Variants in PAPSS1 observed in about 807,000 individuals in gnomAD.
PAPSS1 encodes the protein bifunctional 3'-phosphoadenosine 5'-phosphosulfate synthase 1.
Under a neutral mutation model 72.0 loss-of-function variants are expected in PAPSS1, and 50 were observed. That is an observed-to-expected ratio of 0.69 (90% CI 0.55 to 0.88). The LOEUF (loss-of-function observed/expected upper bound fraction) is 0.88. PAPSS1 is among the 40% of genes least tolerant of loss of function. PAPSS1 has a pLI of 0.00. For synonymous variants in PAPSS1, 261 were observed against 263.6 expected, an observed-to-expected ratio of 0.99 and a Z score of 0.09; for missense variants, 657 against 782.2, an observed-to-expected ratio of 0.84 and a Z score of 1.91.
rs1239473637 is a variant in PAPSS1 at position 107,701,256 on chromosome 4, G to GT, written c.89dup (p.Tyr30Ter). ...TGTTCCTGCTGACATGATGGGCTTG[G>GT]TAGGTGACATTGGTTGCTCTCTGCA... ...WGMQRATNVT[Y>*]QAHHVSRNKR... Residue 30 changes from tyrosine to a stop codon, truncating the protein, a stop_gained and frameshift_variant, in exon 2 of 12, where the codon TAC becomes TAAC. Transcript: ENST00000265174. LOFTEE classifies it high-confidence loss of function. 1.9e-5 allele frequency: 31 copies of GT among 1,613,308 alleles called. No individual in the cohort carries two copies. Among genetic ancestry groups the GT allele is most frequent in the Non-Finnish European group, 2.3e-5 (27 of 1,179,588 alleles).
At chr4:107,668,900 T>C (rs1027092647) in intron 5 of PAPSS1, among the ~76,000 whole-genome samples, 4 of 152,216 alleles carry the variant, frequency 2.6e-5, no homozygotes, top group Non-Finnish European at 5.9e-5. Flanking sequence ...CATTTATATA[T>C]TCTTTTACAT....
intron 11 of PAPSS1, among the ~76,000 whole-genome samples, chr4:107,624,663 C>T (rs1339114267): frequency 6.6e-6 from 1 of 151,980 alleles, no homozygotes; most frequent in Non-Finnish European, 1.5e-5. Flanking sequence ...CAAATGCATA[C>T]TAGAAGACAA....
At chr4:107,692,358 T>C (rs1465615476) in intron 3 of PAPSS1, among the ~76,000 whole-genome samples, 1 of 152,012 alleles carries the variant, frequency 6.6e-6, no homozygotes, top group Non-Finnish European at 1.5e-5. Flanking sequence ...TAAGAAGACA[T>C]ACATGCAGCC....
chr4:107,655,202 C>T (rs947896030), intron 7 of PAPSS1, among the ~76,000 whole-genome samples: 2 of 150,038 alleles, frequency 1.3e-5, no homozygotes, highest in African/African-American at 2.5e-5. Flanking sequence ...AACTGTTTAA[C>T]AAGAAAGAAT....
intron 11 of PAPSS1, among the ~76,000 whole-genome samples, chr4:107,628,556 A>G (rs1443423078): frequency 6.6e-6 from 1 of 152,236 alleles, no homozygotes; most frequent in Non-Finnish European, 1.5e-5. Context: ...ATTTCCAATT[A>G]GCACATGTCA....
At chr4:107,703,410 T>C (rs1006553687) in intron 1 of PAPSS1, among the ~76,000 whole-genome samples, 11 of 51,724 alleles carry the variant, frequency 2.1e-4, no homozygotes, top group African/African-American at 4.0e-4. Context: ...TTTGGAGTCA[T>C]ATCCAAAAAA....
In PAPSS1 at chr4:107,653,532, G is replaced by A; in HGVS notation, c.1196C>T (p.Thr399Ile). The change falls in exon 9 of 12, where the codon ACT becomes ATT. Residue 399 changes from threonine (T) to isoleucine (I), a missense_variant. By Grantham distance (89) the Thr-to-Ile change is moderately conservative (BLOSUM62 -1). Coordinates refer to ENST00000265174, the MANE Select transcript of PAPSS1 (RefSeq NM_005443.5). ...WNDGLDQYRL[T>I]PTELKQKFKD... Reference sequence around the variant, plus strand: ...AAATTTCTGCTTTAGCTCAGTAGGAGTAAGACGATACTGATCAAGACCATC... The same window carrying A: ...AAATTTCTGCTTTAGCTCAGTAGGAATAAGACGATACTGATCAAGACCATC... The A allele has an allele frequency of 6.2e-7, 1 of 1,612,084 alleles. No homozygotes were observed. The highest frequency in any genetic ancestry group is 8.5e-7 in the Non-Finnish European group (1 of 1,178,700).
intron 2 of PAPSS1, among the ~76,000 whole-genome samples, chr4:107,699,260 T>C (rs1236951446): frequency 6.7e-6 from 1 of 148,894 alleles, no homozygotes; most frequent in Non-Finnish European, 1.5e-5. Flanking sequence ...TAGACAACAC[T>C]AAGAGCCAAA....
chr4:107,719,809 G>C, intron 1 of PAPSS1: 10 of 1,235,144 alleles, frequency 8.1e-6, no homozygotes, highest in Non-Finnish European at 1.0e-5. Context: ...GCAAGCGCCA[G>C]TTCACGGGTG....
At chr4:107,711,410 T>C (rs1401014151) in intron 1 of PAPSS1, among the ~76,000 whole-genome samples, 2 of 152,236 alleles carry the variant, frequency 1.3e-5, no homozygotes, top group Admixed American at 6.5e-5. Context: ...TGTTATTTTA[T>C]CCACTTGCCT....
intron 3 of PAPSS1, among the ~76,000 whole-genome samples, chr4:107,690,875 C>T (rs1006750306): frequency 1.3e-5 from 2 of 152,124 alleles, no homozygotes; most frequent in African/African-American, 4.8e-5. Context: ...GATAGCTCTC[C>T]ATAACAGGTA....
At chr4:107,679,429 G>A (rs904932304) in intron 5 of PAPSS1, among the ~76,000 whole-genome samples, 4 of 152,108 alleles carry the variant, frequency 2.6e-5, no homozygotes, top group Admixed American at 2.6e-4. Flanking sequence ...TAAGGAATAA[G>A]GACAGCCAAA....
chr4:107,699,805 T>C (rs1255903588), intron 2 of PAPSS1, among the ~76,000 whole-genome samples: 1 of 152,134 alleles, frequency 6.6e-6, no homozygotes, highest in African/African-American at 2.4e-5. Flanking sequence ...GAACCAAATA[T>C]ATATTTTACC....
chr4:107,661,317 C>T (rs1433412970), intron 5 of PAPSS1, among the ~76,000 whole-genome samples: 3 of 152,178 alleles, frequency 2.0e-5, no homozygotes, highest in Non-Finnish European at 2.9e-5. Context: ...ACTAAACATA[C>T]TCTTATCAGC....
chr4:107,675,109 T>C (rs1044482123), intron 5 of PAPSS1, among the ~76,000 whole-genome samples: 4 of 151,970 alleles, frequency 2.6e-5, no homozygotes, highest in Admixed American at 2.6e-4. Context: ...CACCCTAACA[T>C]CGCAATTAAA....
intron 11 of PAPSS1, among the ~76,000 whole-genome samples, chr4:107,626,292 C>T (rs1337351888): frequency 6.6e-6 from 1 of 152,082 alleles, no homozygotes; most frequent in Non-Finnish European, 1.5e-5. Flanking sequence ...ATTCATTTAC[C>T]CATTTCCACA....
chr4:107,616,768 TAACATGCATTAAG>T (rs1725832885), intron 11 of PAPSS1, among the ~76,000 whole-genome samples: 2 of 152,164 alleles, frequency 1.3e-5, no homozygotes, highest in South Asian at 2.1e-4. Context: ...GACAAAAAAC[TAACATGCATTAAG>T]ATGGGATAGG....
At chr4:107,691,986 C>A (rs1722934873) in intron 3 of PAPSS1, among the ~76,000 whole-genome samples, 1 of 151,910 alleles carries the variant, frequency 6.6e-6, no homozygotes, top group Non-Finnish European at 1.5e-5. Context: ...ACTGGCTTGC[C>A]ATATGCAGAA....
intron 11 of PAPSS1, among the ~76,000 whole-genome samples, chr4:107,626,406 C>T (rs12509731): frequency 0.21 from 31,337 of 151,958 alleles, 3,487 homozygotes; most frequent in East Asian, 0.37. Context: ...TACATTATAA[C>T]AGAGGGGAAA....
Sources: allele counts gnomAD v4.1 joint callset (sites outside exome capture counted in the v4.1 genomes callset), GRCh38; gene constraint gnomAD v4.1.1; transcripts MANE v1.5; gene names NCBI Gene and HGNC (gene_info 2026-07-23, HGNC 2026-07-21).